Variants in SLC5A10 observed in about 807,000 individuals in gnomAD.
The protein encoded by SLC5A10 is solute carrier family 5 member 10, also known as sodium/mannose cotransporter SLC5A10.
SLC5A10 carries 55 observed loss-of-function variants against 68.9 expected under a neutral mutation model. That is an observed-to-expected ratio of 0.80 (90% CI 0.64 to 1.00). The LOEUF is 1.00. Ranked by LOEUF, SLC5A10 falls within the 50% of genes least tolerant of loss-of-function variation. SLC5A10 has a pLI of 0.00. For synonymous variants in SLC5A10, 344 were observed against 344.8 expected (o/e 1.00, Z 0.02); for missense variants, 732 against 819.3 (o/e 0.89, Z 1.30).
At chr17:18,988,438 G>A (rs781718386) in intron 9 of SLC5A10, 2 of 1,612,372 alleles carry the variant, frequency 1.2e-6, no homozygotes, top group Non-Finnish European at 1.7e-6. Context: ...GAGAGACTAG[G>A]GCCTGTCAGA....
intron 5 of SLC5A10, among the ~76,000 whole-genome samples, chr17:18,965,176 G>T (rs1462982380): frequency 2.6e-5 from 4 of 152,124 alleles, no homozygotes; most frequent in Non-Finnish European, 1.5e-5. Context: ...CTTGCAAGGG[G>T]ATCGGGCCCA....
At chr17:19,013,919 C>A (rs1020300965) in intron 10 of SLC5A10, among the ~76,000 whole-genome samples, 10 of 152,114 alleles carry the variant, frequency 6.6e-5, no homozygotes, top group African/African-American at 2.4e-4. Context: ...GCTCCAAGTT[C>A]ATCCATCTCC....
intron 9 of SLC5A10, chr17:18,988,262 G>A: frequency 1.2e-6 from 2 of 1,609,950 alleles, no homozygotes; most frequent in East Asian, 2.2e-5. Context: ...GGTGCCCCAG[G>A]TGCATGCAGG....
chr17:18,994,261 G>A (rs1025232280), intron 9 of SLC5A10, among the ~76,000 whole-genome samples: 4 of 152,172 alleles, frequency 2.6e-5, no homozygotes, highest in East Asian at 1.9e-4. Context: ...TCAGCACAGC[G>A]ATTCCTGAGA....
upstream of SLC5A10, chr17:18,952,098 T>A (rs2042377752): frequency 5.4e-6 from 8 of 1,478,986 alleles, no homozygotes; most frequent in East Asian, 2.0e-4. Context: ...GAGATGCCAC[T>A]GTCCGCTTGG....
chr17:19,022,293 G>T lies in SLC5A10; in HGVS notation c.*1862G>T. On this transcript the variant is annotated 3_prime_UTR_variant, in exon 15 of 15. Coordinates refer to ENST00000395645, the MANE Select transcript of SLC5A10 (RefSeq NM_001042450.4). ...GAACTTTAAGTCCAGATCAATGGTA[G>T]TGCCACCACTGGGCCTCCTGCTGCC... 2.0e-6 allele frequency: 1 copy of T among 493,026 alleles called. No individual in the cohort carries two copies. The highest frequency in any genetic ancestry group is 2.0e-5 in the African/African-American group (1 of 49,640). The allele number at this position is 493,026 out of a possible 1,614,324, so 30.5% of individuals were successfully genotyped here.
chr17:18,969,477 A>G, intron 7 of SLC5A10, 55 bp downstream of exon 7: 1 of 1,513,418 alleles, frequency 6.6e-7, no homozygotes. Flanking sequence ...AGCCCTTTGG[A>G]GTCTGGCACT....
intron 9 of SLC5A10, among the ~76,000 whole-genome samples, chr17:18,984,459 A>G (rs1447477552): frequency 6.6e-6 from 1 of 152,142 alleles, no homozygotes; most frequent in Non-Finnish European, 1.5e-5. Flanking sequence ...TGGGCAGCGG[A>G]AGGGCTGGGT....
At chr17:18,983,777 T>C (rs1271714793) in intron 9 of SLC5A10, among the ~76,000 whole-genome samples, 1 of 152,158 alleles carries the variant, frequency 6.6e-6, no homozygotes, top group Non-Finnish European at 1.5e-5. Context: ...GTGGGCCCTT[T>C]GTGAACCACA....
rs767435369 is a variant in SLC5A10, at chr17:19,013,397, G to A, written c.983-13G>A. On this transcript the variant is annotated splice_polypyrimidine_tract_variant and intron_variant, in intron 9 of 14. Coordinates refer to ENST00000395645, the MANE Select transcript of SLC5A10 (RefSeq NM_001042450.4). ...CTATGAGGAGAGACACCAAGTGTCC[G>A]TCTCTCGAACAGATGATGTGGGCTG... 26 of 1,605,638 alleles carry A rather than the reference G, an allele frequency of 1.6e-5. No individual in the cohort carries two copies. The highest frequency in any genetic ancestry group is 9.4e-5 in the African/African-American group (7 of 74,168).
Position 19,003,553 on chromosome 17 carries a change from C to G in SLC5A10, c.983-9857C>G. The G allele has an allele frequency of 6.4e-7, 1 of 1,558,672 alleles. No individual in the cohort carries two copies. The highest frequency in any genetic ancestry group is 8.7e-7 in the Non-Finnish European group (1 of 1,152,042). ...CCTGGCTGATCATCTTCCGCACCAC[C>G]TCTTTGATGTGGGCCTGCCCGTCTA... On this transcript the variant is annotated intron_variant, in intron 9 of 14. Coordinates refer to ENST00000395645, the MANE Select transcript of SLC5A10 (RefSeq NM_001042450.4). This position sits in a 1 kb window ranked among gnomAD's most constrained non-coding sequence, Gnocchi z 4.5.
At chr17:18,981,893 G>A (rs1191846667) in intron 9 of SLC5A10, among the ~76,000 whole-genome samples, 1 of 152,172 alleles carries the variant, frequency 6.6e-6, no homozygotes, top group Non-Finnish European at 1.5e-5. Flanking sequence ...TTGAGAAGTC[G>A]GACAAAGATC....
chr17:19,019,350 G>T, intron 11 of SLC5A10, 73 bp from the exon 12 acceptor site: 1 of 1,531,334 alleles, frequency 6.5e-7, no homozygotes, highest in Non-Finnish European at 8.8e-7. Context: ...GCAAGTCTTA[G>T]TGACCAGGGG....
chr17:19,013,538 G>GTC, intron 10 of SLC5A10, 21 bp downstream of exon 10: 2 of 1,439,338 alleles, frequency 1.4e-6, no homozygotes, highest in African/African-American at 5.5e-5. Context: ...GTGGGTGGGG[G>GTC]TCTGGGTGGA....
chr17:19,022,011 C>T lies in SLC5A10; in HGVS notation c.*1580C>T, dbSNP rs1466262702. 1.3e-6 allele frequency: 2 copies of T among 1,596,774 alleles called. No homozygotes were observed. The highest frequency in any genetic ancestry group is 2.7e-5 in the African/African-American group (2 of 74,134). On this transcript the variant is annotated 3_prime_UTR_variant, in exon 15 of 15. Coordinates refer to ENST00000395645, the MANE Select transcript of SLC5A10 (RefSeq NM_001042450.4). ...CCGTGGGAAGAAGCCAACGCGCCCGCAGGACCGGCCCCGCCACCAGTGGGG... is the reference window on the plus strand; with the variant it reads ...CCGTGGGAAGAAGCCAACGCGCCCGTAGGACCGGCCCCGCCACCAGTGGGG...
At position 18,977,918 on chromosome 17, in the gene SLC5A10, T is replaced by C. The variant is rs764706502; in HGVS notation, c.982+929T>C. On this transcript the variant is annotated intron_variant, in intron 9 of 14. Transcript: ENST00000395645. ...ACTGAGGGTTACGTAGTCGTCATCA[T>C]CTTCTTCTTCCACCCCATCCAGCCC... 9.9e-6 allele frequency: 16 copies of C among 1,609,874 alleles called. No individual in the cohort carries two copies. The Admixed American group carries it at 2.7e-4, about 27-fold the overall frequency.
At position 18,981,139 on chromosome 17, in the gene SLC5A10, G is replaced by A. The variant is rs560403135; in HGVS notation, c.982+4150G>A. On this transcript the variant is annotated intron_variant, in intron 9 of 14. Transcript: ENST00000395645. Reference sequence around the variant, plus strand: ...ACCTGGGAGGTGAAGGGGAGGCTGAGGGGGTAAACGAAAACAAGCTGAATG... The same window carrying A: ...ACCTGGGAGGTGAAGGGGAGGCTGAAGGGGTAAACGAAAACAAGCTGAATG... 2.6e-4 allele frequency among the ~76,000 whole-genome samples: 40 copies of A among 152,332 alleles called. No individual in the cohort carries two copies. In the South Asian group the frequency reaches 8.1e-3, roughly 31 times the overall value.
rs2042383914 is a variant in SLC5A10 at position 18,952,323 on chromosome 17, G to A, written c.111+7G>A. The A allele has an allele frequency of 6.2e-7, 1 of 1,609,312 alleles. No homozygotes were observed. Among genetic ancestry groups the A allele is most frequent in the Non-Finnish European group, 8.5e-7 (1 of 1,177,654 alleles). ...TGTGGCCGTGGGCATATGGGTAAGGGGACCTGTGGTGGTGTTGGCCAAGTG... is the reference window on the plus strand; with the variant it reads ...TGTGGCCGTGGGCATATGGGTAAGGAGACCTGTGGTGGTGTTGGCCAAGTG... On this transcript the variant is annotated splice_region_variant and intron_variant, in intron 1 of 14. Coordinates refer to ENST00000395645, the MANE Select transcript of SLC5A10 (RefSeq NM_001042450.4).
intron 9 of SLC5A10, among the ~76,000 whole-genome samples, chr17:18,989,645 C>T (rs976091451): frequency 2.6e-5 from 4 of 152,212 alleles, no homozygotes; most frequent in Admixed American, 1.3e-4. Context: ...GCAAAGAGCC[C>T]GACGGGGGGC....
Sources: gnomAD v4.1 joint callset for allele counts (sites outside exome capture counted in the v4.1 genomes callset) on GRCh38, gnomAD v4.1.1 for gene constraint, Gnocchi (gnomAD v3.1) non-coding constraint, MANE v1.5 for transcripts, NCBI Gene and HGNC (gene_info 2026-07-23, HGNC 2026-07-21) for gene names.